Variants in DCUN1D3 observed in about 807,000 individuals in gnomAD.
The protein encoded by DCUN1D3 is defective in cullin neddylation 1 domain containing 3, also known as DCN1-like protein 3.
DCUN1D3 carries 6 observed loss-of-function variants against 24.8 expected under a neutral mutation model. The observed-to-expected ratio is 0.24, with a 90% CI of 0.13 to 0.48. The LOEUF is 0.48. Among genes scored for constraint, DCUN1D3 ranks in the 20% least tolerant of loss-of-function variants. The pLI, the probability that DCUN1D3 is intolerant of heterozygous loss-of-function variation, is 0.99. For synonymous variants in DCUN1D3, 120 were observed against 144.9 expected, an observed-to-expected ratio of 0.83 and a Z score of 1.24; for missense variants, 258 against 379.4, an observed-to-expected ratio of 0.68 and a Z score of 2.66.
rs149292226 is a variant in DCUN1D3 at position 20,862,391 on chromosome 16, C to T, written c.148G>A (p.Asp50Asn). 1.8e-4 allele frequency: 287 copies of T among 1,614,010 alleles called. No individual in the cohort carries two copies. The highest frequency in any genetic ancestry group is 1.0e-3 in the Admixed American group (62 of 60,002). The change falls in exon 2 of 3, where the codon GAT becomes AAT. Residue 50 changes from aspartate to asparagine, a missense_variant. Transcript: ENST00000324344. ...QVPPCGKPGG[D>N]ILVNGTKKAE... The stretch of plus-strand genomic sequence containing the variant: ...TTCTTGGTCCCGTTGACGAGGATAT[C>T]TCCACCTGGCTTGCCACAGGGTGGT...
At chr16:20,889,714 T>A (rs1414051142) in intron 1 of DCUN1D3, among the ~76,000 whole-genome samples, 1 of 152,184 alleles carries the variant, frequency 6.6e-6, no homozygotes, top group African/African-American at 2.4e-5. Flanking sequence ...CTGCCAGAGA[T>A]CCTAAAACCC....
At position 20,858,654 on chromosome 16, in the gene DCUN1D3, G is replaced by A. The variant is rs1289041522; in HGVS notation, c.*1232C>T. The A allele has an allele frequency of 6.6e-6, 1 of 151,218 alleles. No individual in the cohort carries two copies. The highest frequency in any genetic ancestry group is 1.5e-5 in the Non-Finnish European group (1 of 67,804). 9.4% of individuals were successfully genotyped at this position (151,218 alleles called of 1,614,324 possible). On this transcript the variant is annotated 3_prime_UTR_variant, in exon 3 of 3. Coordinates refer to ENST00000324344, the MANE Select transcript of DCUN1D3 (RefSeq NM_173475.4). ...TCATCACATTACCCCAAATGAGCCTGACTTTAACAAAAAGATAATAAATAA... is the reference window on the plus strand; with the variant it reads ...TCATCACATTACCCCAAATGAGCCTAACTTTAACAAAAAGATAATAAATAA...
chr16:20,866,292 C>T (rs2081761740), intron 1 of DCUN1D3, among the ~76,000 whole-genome samples: 2 of 152,288 alleles, frequency 1.3e-5, no homozygotes, highest in South Asian at 4.1e-4. Context: ...CTTACACAAA[C>T]CCCACATGCT....
intron 1 of DCUN1D3, among the ~76,000 whole-genome samples, chr16:20,890,400 A>G (rs2081887026): frequency 6.6e-6 from 1 of 152,114 alleles, no homozygotes; most frequent in South Asian, 2.1e-4. Context: ...GGCCAAGGCA[A>G]GAGGATCGCT....
intron 1 of DCUN1D3, among the ~76,000 whole-genome samples, chr16:20,868,558 C>T (rs760929077): frequency 2.0e-5 from 3 of 152,204 alleles, no homozygotes; most frequent in Non-Finnish European, 4.4e-5. Context: ...AAATGCTCTG[C>T]TCAATACCTG....
At chr16:20,874,359 A>G (rs984392254) in intron 1 of DCUN1D3, among the ~76,000 whole-genome samples, 1 of 152,244 alleles carries the variant, frequency 6.6e-6, no homozygotes, top group African/African-American at 2.4e-5. Flanking sequence ...GGCTACAAGA[A>G]TCTTTCCAAT....
At chr16:20,887,912 G>C (rs938725373) in intron 1 of DCUN1D3, among the ~76,000 whole-genome samples, 2 of 152,192 alleles carry the variant, frequency 1.3e-5, no homozygotes, top group African/African-American at 4.8e-5. Flanking sequence ...CCCACTGCTA[G>C]ACTTATACAG....
At chr16:20,880,347 C>CCCAG (rs2081836689) in intron 1 of DCUN1D3, among the ~76,000 whole-genome samples, 1 of 152,084 alleles carries the variant, frequency 6.6e-6, no homozygotes, top group African/African-American at 2.4e-5. Flanking sequence ...CACCTGCAGA[C>CCCAG]CCAGCACTTT....
At chr16:20,873,540 C>A (rs1349166430) in intron 1 of DCUN1D3, among the ~76,000 whole-genome samples, 1 of 152,212 alleles carries the variant, frequency 6.6e-6, no homozygotes, top group African/African-American at 2.4e-5. Context: ...AAGCTGCAGA[C>A]TGGGTCAAAG....
chr16:20,860,349 C>A lies in DCUN1D3; in HGVS notation c.452G>T (p.Cys151Phe), dbSNP rs2081725509. The A allele has an allele frequency of 6.2e-7, 1 of 1,610,368 alleles. No homozygotes were observed. Among genetic ancestry groups the A allele is most frequent in the Non-Finnish European group, 8.5e-7 (1 of 1,177,958 alleles). The change falls in exon 3 of 3, where the codon TGC becomes TTC. Residue 151 changes from cysteine (C) to phenylalanine (F), a missense_variant. Physicochemically the swap from Cys to Phe is radical, Grantham distance 205. Coordinates refer to ENST00000324344, the MANE Select transcript of DCUN1D3 (RefSeq NM_173475.4). The surrounding 1 kb of genome is among the most constrained non-coding windows in gnomAD (Gnocchi z 4.3). ...AATGCTGTCTGCACTTATTGCTTTG[C>A]AGCCATCAAAAAACTCCTTCCTGCA... ...KFTRKEFFDG[C>F]KAISADSIDG...
intron 2 of DCUN1D3, among the ~76,000 whole-genome samples, chr16:20,861,856 T>C (rs1056994474): frequency 6.6e-6 from 1 of 152,082 alleles, no homozygotes; most frequent in African/African-American, 2.4e-5. Context: ...CCTGCTGAGA[T>C]TCCTATTCAG....
intron 1 of DCUN1D3, among the ~76,000 whole-genome samples, chr16:20,892,149 C>T (rs754098628): frequency 6.6e-6 from 1 of 152,104 alleles, no homozygotes. Flanking sequence ...TGCTCCTCAC[C>T]GTGGGCATGA....
chr16:20,871,384 T>C (rs915017137), intron 1 of DCUN1D3, among the ~76,000 whole-genome samples: 3 of 151,970 alleles, frequency 2.0e-5, no homozygotes, highest in Non-Finnish European at 4.4e-5. Flanking sequence ...AGAAAGGGGG[T>C]AGGGAGGACA....
intron 1 of DCUN1D3, among the ~76,000 whole-genome samples, chr16:20,885,990 A>G (rs1453226178): frequency 2.6e-5 from 4 of 151,946 alleles, no homozygotes; most frequent in Non-Finnish European, 5.9e-5. Flanking sequence ...AACAATGAGG[A>G]ACTGAGGAGC....
intron 2 of DCUN1D3, among the ~76,000 whole-genome samples, chr16:20,861,770 AAAG>A (rs1280002360): frequency 2.2e-4 from 34 of 152,114 alleles, no homozygotes; most frequent in African/African-American, 8.2e-4. Flanking sequence ...AGAAAAAGAA[AAAG>A]AAAAAAAAAA....
chr16:20,879,418 T>C (rs9927481), intron 1 of DCUN1D3, among the ~76,000 whole-genome samples: 28,427 of 152,136 alleles, frequency 0.19, 2,973 homozygotes, highest in African/African-American at 0.29. Flanking sequence ...AGACAAACAC[T>C]GATAAACCTT....
intron 1 of DCUN1D3, among the ~76,000 whole-genome samples, chr16:20,864,962 A>G (rs543270105): frequency 1.1e-3 from 160 of 152,292 alleles, no homozygotes; most frequent in African/African-American, 3.7e-3. Context: ...GAAGGAAACA[A>G]CAGAAACTGG....
Position 20,867,355 on chromosome 16 carries a change from C to T in DCUN1D3, c.-105-4712G>A, listed in dbSNP as rs368255050. 2.0e-4 allele frequency among the ~76,000 whole-genome samples: 31 copies of T among 152,264 alleles called. No individual in the cohort carries two copies. In the South Asian group the frequency reaches 6.0e-3, roughly 30 times the overall value. On this transcript the variant is annotated intron_variant, in intron 1 of 2. Transcript: ENST00000324344. ...GGAGAGAGAACACATGGTCTGTGCTCGGTGCTCAAGAAGGATCTCCTACTC... is the reference window on the plus strand; with the variant it reads ...GGAGAGAGAACACATGGTCTGTGCTTGGTGCTCAAGAAGGATCTCCTACTC...
intron 1 of DCUN1D3, among the ~76,000 whole-genome samples, chr16:20,875,498 A>T (rs1254427971): frequency 2.6e-5 from 4 of 152,240 alleles, no homozygotes; most frequent in African/African-American, 9.6e-5. Context: ...TCTAGCTCAC[A>T]CTTAACCATA....
Sources: gnomAD v4.1 joint callset for allele counts (sites outside exome capture counted in the v4.1 genomes callset) on GRCh38, gnomAD v4.1.1 for gene constraint, Gnocchi (gnomAD v3.1) non-coding constraint, MANE v1.5 for transcripts, NCBI Gene and HGNC (gene_info 2026-07-23, HGNC 2026-07-21) for gene names.